The following EYA2 variants were observed in gnomAD, a reference collection of about 807,000 sequenced individuals.
EYA2 encodes the protein EYA transcriptional coactivator and phosphatase 2, also known as protein phosphatase EYA2.
Under a neutral mutation model 69.2 loss-of-function variants are expected in EYA2, and 31 were observed. The observed-to-expected ratio is 0.45, with a 90% CI of 0.34 to 0.60. The LOEUF is 0.60. Ranked by LOEUF, EYA2 falls within the 20% of genes least tolerant of loss-of-function variation. The pLI, the probability that EYA2 is intolerant of heterozygous loss-of-function variation, is 0.02. For synonymous variants in EYA2, 257 were observed against 279.4 expected (o/e 0.92, Z 0.80); for missense variants, 622 against 701.2 (o/e 0.89, Z 1.28).
chr20:47,179,256 GGGTA>G (rs2034484164), intron 12 of EYA2, among the ~76,000 whole-genome samples: 1 of 144,130 alleles, frequency 6.9e-6, no homozygotes. Flanking sequence ...ATAGGTGGGT[GGGTA>G]GATGGGTGGA....
chr20:47,015,968 C>G (rs1308058506), intron 4 of EYA2, among the ~76,000 whole-genome samples: 5 of 152,186 alleles, frequency 3.3e-5, no homozygotes, highest in South Asian at 2.1e-4. Context: ...TGACTTTTAA[C>G]AAAATCAACT....
chr20:47,149,572 G>A (rs1172661066), intron 10 of EYA2, among the ~76,000 whole-genome samples: 3 of 151,418 alleles, frequency 2.0e-5, no homozygotes, highest in South Asian at 2.1e-4. Flanking sequence ...GGCCAGGCAC[G>A]ATGGCTCATG....
Position 47,046,468 on chromosome 20 carries a change from C to G in EYA2, c.416-25717C>G, listed in dbSNP as rs372527128. On this transcript the variant is annotated intron_variant, in intron 5 of 15. Transcript: ENST00000327619. ...CCGAAGGATGAAGGTGTCTGCATCT[C>G]TCATCATCTCTGCACAGAGCAGTGT... is the stretch of plus-strand genomic sequence containing the variant. 4.1e-3 allele frequency among the ~76,000 whole-genome samples: 628 copies of G among 152,320 alleles called. 4 individuals carry two copies. The highest frequency in any genetic ancestry group is 0.014 in the African/African-American group (583 of 41,562).
intron 9 of EYA2, among the ~76,000 whole-genome samples, chr20:47,134,068 G>C (rs1016259152): frequency 6.6e-6 from 1 of 152,238 alleles, no homozygotes; most frequent in Non-Finnish European, 1.5e-5. Context: ...AGCAACCCAG[G>C]CCTGCTGAGT....
chr20:46,970,015 T>TAA (rs1980042568), intron 1 of EYA2, among the ~76,000 whole-genome samples: 2 of 152,244 alleles, frequency 1.3e-5, no homozygotes, highest in African/African-American at 4.8e-5. Flanking sequence ...GCTACTTTTA[T>TAA]AAAATGCATC....
intron 2 of EYA2, among the ~76,000 whole-genome samples, chr20:46,999,263 G>A (rs1038176338): frequency 2.0e-5 from 3 of 152,110 alleles, no homozygotes; most frequent in African/African-American, 4.8e-5. Flanking sequence ...GGGCTTTTAC[G>A]AGGAATGAGA....
intron 9 of EYA2, among the ~76,000 whole-genome samples, chr20:47,107,056 G>T (rs1365161642): frequency 6.6e-6 from 1 of 152,114 alleles, no homozygotes; most frequent in East Asian, 1.9e-4. Context: ...GGTCTCCATA[G>T]AAATGTGTGC....
chr20:47,023,654 T>TTTG (rs1555813774), intron 5 of EYA2, among the ~76,000 whole-genome samples: 3 of 143,872 alleles, frequency 2.1e-5, no homozygotes, highest in African/African-American at 7.8e-5. Context: ...TTTTTTTTTT[T>TTTG]GAAGACAGAG....
At chr20:46,963,005 C>T (rs1037478300) in intron 1 of EYA2, among the ~76,000 whole-genome samples, 1 of 152,228 alleles carries the variant, frequency 6.6e-6, no homozygotes, top group Non-Finnish European at 1.5e-5. Flanking sequence ...AATACCACTG[C>T]TCCCTCGCTC....
chr20:46,991,167 C>A (rs1981635741), intron 2 of EYA2, among the ~76,000 whole-genome samples: 1 of 152,184 alleles, frequency 6.6e-6, no homozygotes, highest in Admixed American at 6.5e-5. Context: ...GAGCCCCGTT[C>A]AAAGACATTC....
At position 46,971,601 on chromosome 20, in the gene EYA2, A is replaced by T. The variant is rs145552367; in HGVS notation, c.-10-18400A>T. Among the ~76,000 whole-genome samples the T allele has an allele frequency of 9.0e-3, 1,368 of 152,354 alleles. 22 individuals carry two copies. Among genetic ancestry groups the T allele is most frequent in the East Asian group, 0.071 (369 of 5,190 alleles). ...GAATCAGTTGTTTGTAGAAGAGAGA[A>T]GAGAAAGAATATTGGGGATCACCTA... On this transcript the variant is annotated intron_variant, in intron 1 of 15. Coordinates refer to ENST00000327619, the MANE Select transcript of EYA2 (RefSeq NM_005244.5).
chr20:47,023,632 G>GT (rs60939329), intron 5 of EYA2, among the ~76,000 whole-genome samples: 2,659 of 89,898 alleles, frequency 0.03, 232 homozygotes, highest in African/African-American at 0.096. Context: ...GATTTTGGGT[G>GT]TTTTTTTTTT....
In EYA2 at chr20:46,918,497, G is replaced by A. The variant is rs540820326; in HGVS notation, c.-11+23510G>A. Among the ~76,000 whole-genome samples the A allele has an allele frequency of 2.0e-5, 3 of 152,176 alleles. No individual in the cohort carries two copies. The South Asian group carries it at 6.2e-4, about 32-fold the overall frequency. ...CTATTTTTTTTAGTTTAGTAGAGAC[G>A]GGTTTCACCAGGTTACCCAGAGTGG... is the stretch of plus-strand genomic sequence containing the variant. On this transcript the variant is annotated intron_variant, in intron 1 of 15. Transcript: ENST00000327619.
At chr20:47,029,843 T>C (rs1984304682) in intron 5 of EYA2, among the ~76,000 whole-genome samples, 1 of 152,302 alleles carries the variant, frequency 6.6e-6, no homozygotes, top group East Asian at 1.9e-4. Flanking sequence ...CATATTACAA[T>C]AGCATTCTTA....
At chr20:47,049,647 C>T (rs1489835241) in intron 5 of EYA2, among the ~76,000 whole-genome samples, 1 of 152,174 alleles carries the variant, frequency 6.6e-6, no homozygotes, top group Non-Finnish European at 1.5e-5. Context: ...CGCCTTCCGC[C>T]ATGAGTAAAA....
chr20:46,914,999 C>A (rs556037295), intron 1 of EYA2, among the ~76,000 whole-genome samples: 3 of 152,296 alleles, frequency 2.0e-5, no homozygotes, highest in East Asian at 3.9e-4. Flanking sequence ...TGCAGTTTGG[C>A]CTTTTCTTTT....
intron 5 of EYA2, among the ~76,000 whole-genome samples, chr20:47,058,825 G>T (rs1487103790): frequency 6.6e-6 from 1 of 152,204 alleles, no homozygotes; most frequent in Non-Finnish European, 1.5e-5. Context: ...GGGCAACAGA[G>T]CAAGACCTAG....
chr20:47,075,628 C>G (rs2031487585), intron 7 of EYA2, among the ~76,000 whole-genome samples: 1 of 152,070 alleles, frequency 6.6e-6, no homozygotes, highest in Admixed American at 6.5e-5. Flanking sequence ...AAGAGGGGTT[C>G]AAGTATAGCG....
intron 5 of EYA2, among the ~76,000 whole-genome samples, chr20:47,034,041 G>A (rs1410815786): frequency 6.6e-6 from 1 of 152,220 alleles, no homozygotes; most frequent in Non-Finnish European, 1.5e-5. Flanking sequence ...AAGGGAGGAA[G>A]GAAGTCTCTA....
Sources: allele counts gnomAD v4.1 joint callset (sites outside exome capture counted in the v4.1 genomes callset), GRCh38; gene constraint gnomAD v4.1.1; transcripts MANE v1.5; gene names NCBI Gene and HGNC (gene_info 2026-07-23, HGNC 2026-07-21).